Variants in KIT observed in about 807,000 individuals in gnomAD.
The protein encoded by KIT is KIT proto-oncogene, receptor tyrosine kinase, also known as mast/stem cell growth factor receptor Kit.
A neutral mutation model predicts 105.7 loss-of-function variants in KIT; 16 were observed. The ratio of observed to expected loss-of-function variants is 0.15; its 90% CI spans 0.10 to 0.23. The LOEUF is 0.23. Ranked by LOEUF, KIT falls within the 10% of genes least tolerant of loss-of-function variation. KIT has a pLI of 1.00. For synonymous variants in KIT, 438 were observed against 441.1 expected, an observed-to-expected ratio of 0.99 and a Z score of 0.09; for missense variants, 858 against 1,213.8, an observed-to-expected ratio of 0.71 and a Z score of 4.36.
At chr4:54,713,251 C>T (rs538091289) in intron 7 of KIT, among the ~76,000 whole-genome samples, 1 of 151,884 alleles carries the variant, frequency 6.6e-6, no homozygotes, top group South Asian at 2.1e-4. Flanking sequence ...AGTCTTTATC[C>T]CTCACCCCCC....
At chr4:54,703,504 C>T (rs866602271) in intron 4 of KIT, among the ~76,000 whole-genome samples, 8 of 151,838 alleles carry the variant, frequency 5.3e-5, no homozygotes, top group Non-Finnish European at 1.2e-4. Context: ...CGTTTTTTTC[C>T]CAATCGTTAA....
chr4:54,734,841 G>A (rs1722827093), intron 17 of KIT, among the ~76,000 whole-genome samples: 2 of 152,072 alleles, frequency 1.3e-5, no homozygotes, highest in South Asian at 2.1e-4. Flanking sequence ...TGTTTTCAAC[G>A]CCTATGATGA....
At chr4:54,695,891 G>T (rs1249179768) in intron 2 of KIT, 110 bp downstream of exon 2, 2 of 1,308,100 alleles carry the variant, frequency 1.5e-6, no homozygotes, top group Non-Finnish European at 2.2e-6. Flanking sequence ...TTCTGGCTGG[G>T]TCTAGAAGGC....
At chr4:54,659,183 C>T (rs1291119361) in intron 1 of KIT, among the ~76,000 whole-genome samples, 1 of 152,212 alleles carries the variant, frequency 6.6e-6, no homozygotes, top group Admixed American at 6.5e-5. Flanking sequence ...TGGCGTGGAA[C>T]TTTCTGCAAA....
At chr4:54,713,071 AT>A (rs1721258713) in intron 7 of KIT, among the ~76,000 whole-genome samples, 1 of 151,804 alleles carries the variant, frequency 6.6e-6, no homozygotes, top group African/African-American at 2.4e-5. Flanking sequence ...ATTTTTTTTA[AT>A]TGAAAAAAAA....
chr4:54,678,289 GCTCCTTCCTTCC>G (rs1718630152), intron 1 of KIT, among the ~76,000 whole-genome samples: 1 of 135,940 alleles, frequency 7.4e-6, no homozygotes, highest in African/African-American at 2.9e-5. Context: ...TGGCTGGCTC[GCTCCTTCCTTCC>G]TTCCTTCCTT....
At chr4:54,711,318 C>T (rs1276497864) in intron 7 of KIT, among the ~76,000 whole-genome samples, 1 of 152,188 alleles carries the variant, frequency 6.6e-6, no homozygotes, top group Non-Finnish European at 1.5e-5. Context: ...TGACTATGAA[C>T]ATTTCAAAAA....
chr4:54,705,807 A>G (rs554727825), intron 5 of KIT, among the ~76,000 whole-genome samples: 3 of 152,290 alleles, frequency 2.0e-5, no homozygotes, highest in African/African-American at 7.2e-5. Flanking sequence ...GCTTGAGCCC[A>G]GGAAGTCGAG....
chr4:54,738,760 T>G lies in KIT; in HGVS notation c.*203T>G. 2 of 657,558 alleles carry G rather than the reference T, an allele frequency of 3.0e-6. No homozygotes were observed. Among genetic ancestry groups the G allele is most frequent in the South Asian group, 1.8e-5 (1 of 56,870 alleles). The allele number at this position is 657,558 out of a possible 1,614,324, so 40.7% of individuals were successfully genotyped here. A position where few individuals can be genotyped will look rare whatever the true frequency, so the allele number is the denominator to read the frequency against. On this transcript the variant is annotated 3_prime_UTR_variant, in exon 21 of 21. Coordinates refer to ENST00000288135, the MANE Select transcript of KIT (RefSeq NM_000222.3). The stretch of plus-strand genomic sequence containing the variant: ...ATTGCAAAGGTTCCAACTGTATATA[T>G]TCCCAATAGCAACGTAGCTTCTACC...
At chr4:54,673,895 G>A (rs58709258) in intron 1 of KIT, among the ~76,000 whole-genome samples, 4,775 of 152,084 alleles carry the variant, frequency 0.031, 231 homozygotes, top group African/African-American at 0.11. Flanking sequence ...TCAGCCTCCC[G>A]AGTAGCTGGG....
intron 1 of KIT, among the ~76,000 whole-genome samples, chr4:54,667,682 G>T (rs577963994): frequency 6.6e-6 from 1 of 152,266 alleles, no homozygotes; most frequent in African/African-American, 2.4e-5. Context: ...AATTTTTAGG[G>T]CACCTGGATT....
chr4:54,719,139 C>T (rs1486550299), intron 7 of KIT, among the ~76,000 whole-genome samples: 2 of 152,082 alleles, frequency 1.3e-5, no homozygotes, highest in African/African-American at 4.8e-5. Context: ...TAAGTGTTTG[C>T]GTTTTTTGTC....
intron 1 of KIT, among the ~76,000 whole-genome samples, chr4:54,663,194 A>C (rs181181235): frequency 6.6e-6 from 1 of 152,364 alleles, no homozygotes; most frequent in African/African-American, 2.4e-5. Context: ...ATTATTATTC[A>C]GGACATGTGG....
chr4:54,736,819 A>G lies in KIT; in HGVS notation c.2695A>G (p.Met899Val). The part of the protein sequence containing the change: ...MLSPEHAPAE[M>V]YDIMKTCWDA... ...CAGCCCTGAACACGCACCTGCTGAA[A>G]TGTAAGAGCCAAAAAATTTTTCCTT... Residue 899 changes from methionine (M) to valine (V), a missense_variant and splice_region_variant, in exon 19 of 21, where the codon ATG becomes GTG. By Grantham distance (21) the Met-to-Val change is conservative. This residue lies in a region of KIT where 105 missense variants were observed against 103.5 expected (regional missense o/e 1.01). Coordinates refer to ENST00000288135, the MANE Select transcript of KIT (RefSeq NM_000222.3). 6.2e-7 allele frequency: 1 copy of G among 1,613,780 alleles called. No individual in the cohort carries two copies. The highest frequency in any genetic ancestry group is 8.5e-7 in the Non-Finnish European group (1 of 1,179,682).
chr4:54,715,886 C>A (rs1446454717), intron 7 of KIT, among the ~76,000 whole-genome samples: 2 of 152,232 alleles, frequency 1.3e-5, no homozygotes, highest in Non-Finnish European at 2.9e-5. Context: ...GTCTTGCCTG[C>A]AAGGACTGCT....
chr4:54,710,149 C>T (rs373920195), intron 7 of KIT, among the ~76,000 whole-genome samples: 59 of 152,324 alleles, frequency 3.9e-4, no homozygotes, highest in African/African-American at 1.3e-3. Context: ...ACTCCTGCAG[C>T]CCACCATGTC....
Position 54,709,404 on chromosome 4 carries a change from T to C in KIT, c.1116-20T>C. On this transcript the variant is annotated intron_variant, in intron 6 of 20. Transcript: ENST00000288135. ...GGCATGCTATCCACAGGTGATTGACTAGTTGTCTTTTCTTTGTAGATACGT... is the reference window on the plus strand; with the variant it reads ...GGCATGCTATCCACAGGTGATTGACCAGTTGTCTTTTCTTTGTAGATACGT... The C allele has an allele frequency of 7.0e-7, 1 of 1,430,510 alleles. No individual in the cohort carries two copies. Among genetic ancestry groups the C allele is most frequent in the Non-Finnish European group, 9.9e-7 (1 of 1,012,428 alleles). The allele number at this position is 1,430,510 out of a possible 1,614,324, so 88.6% of individuals were successfully genotyped here. A position where few individuals can be genotyped will look rare whatever the true frequency, so the allele number is the denominator to read the frequency against.
At chr4:54,716,326 T>C (rs936360384) in intron 7 of KIT, among the ~76,000 whole-genome samples, 2 of 152,232 alleles carry the variant, frequency 1.3e-5, no homozygotes, top group South Asian at 4.1e-4. Flanking sequence ...GTGTGAACAT[T>C]TGTATGCTGC....
At position 54,739,100 on chromosome 4, in the gene KIT, A is replaced by C; in HGVS notation, c.*543A>C. 2.6e-6 allele frequency: 1 copy of C among 392,068 alleles called. No individual in the cohort carries two copies. Among genetic ancestry groups the C allele is most frequent in the East Asian group, 3.6e-5 (1 of 27,828 alleles). The allele number at this position is 392,068 out of a possible 1,614,324, so 24.3% of individuals were successfully genotyped here. On this transcript the variant is annotated 3_prime_UTR_variant, in exon 21 of 21. Coordinates refer to ENST00000288135, the MANE Select transcript of KIT (RefSeq NM_000222.3). ...ATAGGCCATGAAAAAAATGATCCCCAAGTGTGAACAAAAGATGCTCTTCTG... is the reference window on the plus strand; with the variant it reads ...ATAGGCCATGAAAAAAATGATCCCCCAGTGTGAACAAAAGATGCTCTTCTG...
Sources: allele counts gnomAD v4.1 joint callset (sites outside exome capture counted in the v4.1 genomes callset), GRCh38; gene constraint gnomAD v4.1.1; regional missense constraint gnomAD v4.1.1; transcripts MANE v1.5; gene names NCBI Gene and HGNC (gene_info 2026-07-23, HGNC 2026-07-21).